Variants in DNAH9 observed in about 807,000 individuals in gnomAD.
DNAH9 encodes DNAH9 variant protein.
Under a neutral mutation model 471.6 loss-of-function variants are expected in DNAH9, and 345 were observed. That is an observed-to-expected ratio of 0.73 (90% CI 0.67 to 0.80). The LOEUF (loss-of-function observed/expected upper bound fraction) is 0.80, where lower values mean the gene tolerates loss of function less well. Among genes scored for constraint, DNAH9 ranks in the 30% least tolerant of loss-of-function variants. The pLI, the probability that DNAH9 is intolerant of heterozygous loss-of-function variation, is 0.00. For missense variants in DNAH9, 5,407 were observed against 5,609.2 expected (o/e 0.96, Z 1.15); for synonymous variants, 2,093 against 2,123.6 (o/e 0.99, Z 0.40).
chr17:11,657,482 T>C (rs1258724275), intron 14 of DNAH9, among the ~76,000 whole-genome samples: 2 of 152,124 alleles, frequency 1.3e-5, no homozygotes, highest in Non-Finnish European at 2.9e-5. Context: ...GTTGTGAATA[T>C]CTTCTCCAAA....
chr17:11,965,773 A>G (rs1350472645), intron 68 of DNAH9, among the ~76,000 whole-genome samples: 1 of 152,160 alleles, frequency 6.6e-6, no homozygotes, highest in Non-Finnish European at 1.5e-5. Context: ...GAGAAAAATT[A>G]TATATGTTTT....
At position 11,875,046 on chromosome 17, in the gene DNAH9, G is replaced by A. The variant is rs769435149; in HGVS notation, c.10340G>A (p.Arg3447His). ...CAGAACGAGGGCCTCCCAGCCGACC[G>A]CATGTCCGTGGAGAATGCCACCATT... ...AWQNEGLPAD[R>H]MSVENATILI... Residue 3447 changes from arginine to histidine, a missense_variant, in exon 53 of 69, where the codon CGC becomes CAC. By Grantham distance (29) the Arg-to-His change is conservative. Around this residue, in one of 3 missense-constraint regions of DNAH9, gnomAD observed 4,636 missense variants for 4,900.3 expected, o/e 0.95. Coordinates refer to ENST00000262442, the MANE Select transcript of DNAH9 (RefSeq NM_001372.4). 29 of 1,613,996 alleles carry A rather than the reference G, an allele frequency of 1.8e-5. No homozygotes were observed. Among genetic ancestry groups the A allele is most frequent in the South Asian group, 3.3e-5 (3 of 91,080 alleles).
intron 1 of DNAH9, among the ~76,000 whole-genome samples, chr17:11,606,469 A>G (rs1312072279): frequency 3.0e-4 from 1 of 3,290 alleles, no homozygotes; most frequent in Admixed American, 3.4e-3. Flanking sequence ...TTTTTTTTTG[A>G]GACAGAGTCT....
rs538149262 is a variant in DNAH9, at chr17:11,608,595, C to T, written c.614+270C>T. ...CTTTCAGAATCATTTCAGGGCTGAG[C>T]GCAACCACACTAGCTTTCCGTATTT... On this transcript the variant is annotated intron_variant, in intron 2 of 68. Coordinates refer to ENST00000262442, the MANE Select transcript of DNAH9 (RefSeq NM_001372.4). Among the ~76,000 whole-genome samples, 57 of 152,062 alleles carry T rather than the reference C, an allele frequency of 3.7e-4. 1 individual carries two copies. Among genetic ancestry groups the T allele is most frequent in the Admixed American group, 3.9e-4 (6 of 15,256 alleles).
At chr17:11,810,138 T>C in intron 44 of DNAH9, 108 bp from the exon 45 acceptor site, 4 of 1,352,122 alleles carry the variant, frequency 3.0e-6, no homozygotes, top group Non-Finnish European at 4.0e-6. Flanking sequence ...TTACTTTAAT[T>C]CCCATTCAAG....
intron 59 of DNAH9, among the ~76,000 whole-genome samples, chr17:11,897,045 A>G (rs12709290): frequency 0.76 from 115,127 of 152,192 alleles, 46,026 homozygotes; most frequent in Non-Finnish European, 0.89. Context: ...AGCTGAGATC[A>G]CTTTGCGCTC....
intron 48 of DNAH9, among the ~76,000 whole-genome samples, chr17:11,827,481 C>T (rs1261766688): frequency 1.3e-5 from 2 of 152,064 alleles, no homozygotes; most frequent in African/African-American, 4.8e-5. Context: ...TAAATGACCA[C>T]GTCTCACAAG....
Position 11,636,801 on chromosome 17 carries a change from G to C in DNAH9, c.1786+17G>C. On this transcript the variant is annotated intron_variant, in intron 9 of 68. Coordinates refer to ENST00000262442, the MANE Select transcript of DNAH9 (RefSeq NM_001372.4). ...CAGAACTTGGTAGGCTTGTTAAAGGGGATTTTGATGGGGACATTCTGTTAC... is the reference window on the plus strand; with the variant it reads ...CAGAACTTGGTAGGCTTGTTAAAGGCGATTTTGATGGGGACATTCTGTTAC... 1 of 1,611,236 alleles carries C rather than the reference G, an allele frequency of 6.2e-7. No individual in the cohort carries two copies. Among genetic ancestry groups the C allele is most frequent in the Non-Finnish European group, 8.5e-7 (1 of 1,177,668 alleles).
At chr17:11,684,805 GCA>G (rs1289484277) in intron 19 of DNAH9, among the ~76,000 whole-genome samples, 1 of 152,182 alleles carries the variant, frequency 6.6e-6, no homozygotes, top group Admixed American at 6.5e-5. Context: ...ATAGCCCAAG[GCA>G]GCAGTCATGA....
rs1381055802 is a variant in DNAH9, at chr17:11,937,522, G to T, written c.12660G>T (p.Lys4220Asn). Residue 4220 changes from lysine (K) to asparagine (N), a missense_variant and splice_region_variant, in exon 66 of 69, where the codon AAG becomes AAT. This residue lies in a region of DNAH9 where 4,636 missense variants were observed against 4,900.3 expected (regional missense o/e 0.95). Coordinates refer to ENST00000262442, the MANE Select transcript of DNAH9 (RefSeq NM_001372.4). This position sits in a 1 kb window ranked among gnomAD's most constrained non-coding sequence, Gnocchi z 4.1. ...RDGAGATREE[K>N]VKALLEEILE... is the part of the protein sequence containing the mutation. ...GAGCGGGCGCCACAAGAGAAGAAAA[G>T]GTGTGTGTGGTGGGGACTGCCTGAG... is the stretch of plus-strand genomic sequence containing the variant. 6 of 1,610,064 alleles carry T rather than the reference G, an allele frequency of 3.7e-6. No individual in the cohort carries two copies. The highest frequency in any genetic ancestry group is 5.1e-6 in the Non-Finnish European group (6 of 1,177,684).
intron 49 of DNAH9, among the ~76,000 whole-genome samples, chr17:11,853,442 A>G (rs946127303): frequency 1.3e-5 from 2 of 152,198 alleles, no homozygotes; most frequent in Non-Finnish European, 2.9e-5. Flanking sequence ...ACTCTGAGCA[A>G]AGGACAAACC....
chr17:11,789,322 C>T (rs766705404), intron 41 of DNAH9, among the ~76,000 whole-genome samples: 11 of 151,974 alleles, frequency 7.2e-5, no homozygotes, highest in Non-Finnish European at 1.5e-4. Context: ...GTGAAACCAC[C>T]TGGAGGTTTG....
At chr17:11,811,482 A>G (rs145924387) in intron 45 of DNAH9, among the ~76,000 whole-genome samples, 1,586 of 152,086 alleles carry the variant, frequency 0.01, 42 homozygotes, top group African/African-American at 0.037. Flanking sequence ...TACTTTACAA[A>G]CTCTCATGCC....
chr17:11,795,927 G>A (rs976875865), intron 42 of DNAH9, among the ~76,000 whole-genome samples: 4 of 152,148 alleles, frequency 2.6e-5, no homozygotes, highest in Non-Finnish European at 5.9e-5. Context: ...TGGTATCAAG[G>A]AAAAGTTGCC....
chr17:11,737,343 C>T (rs924233746), intron 28 of DNAH9, among the ~76,000 whole-genome samples: 19 of 150,110 alleles, frequency 1.3e-4, no homozygotes, highest in Non-Finnish European at 2.2e-4. Context: ...CCCCTCCCAC[C>T]GTTTCACACA....
At position 11,784,371 on chromosome 17, in the gene DNAH9, C is replaced by T; in HGVS notation, c.7893C>T (p.Leu2631=). 6.2e-7 allele frequency: 1 copy of T among 1,614,222 alleles called. No homozygotes were observed. The highest frequency in any genetic ancestry group is 2.2e-5 in the East Asian group (1 of 44,876). ...DALSSIYSII[L]TQHLKLGNFP... ...TGTCCTCTATCTACAGCATCATCCT[C>T]ACTCAGCATCTGAAGCTCGGAAACT... The change falls in exon 41 of 69, where the codon CTC becomes CTT. Residue 2631 remains leucine, a synonymous_variant. Transcript: ENST00000262442.
chr17:11,634,316 C>T (rs1181142884), intron 8 of DNAH9, among the ~76,000 whole-genome samples: 1 of 152,136 alleles, frequency 6.6e-6, no homozygotes, highest in Non-Finnish European at 1.5e-5. Flanking sequence ...GCAAAATCTC[C>T]AATTGACATA....
At chr17:11,729,157 G>A (rs1482090607) in intron 28 of DNAH9, among the ~76,000 whole-genome samples, 1 of 152,152 alleles carries the variant, frequency 6.6e-6, no homozygotes, top group Non-Finnish European at 1.5e-5. Context: ...AAAACTGGTG[G>A]CTGAGGGCAA....
intron 49 of DNAH9, among the ~76,000 whole-genome samples, chr17:11,843,888 T>TATATATATATACAC (rs1188211391): frequency 7.5e-6 from 1 of 133,092 alleles, no homozygotes; most frequent in African/African-American, 2.8e-5. Context: ...TATATATATA[T>TATATATATATACAC]ATACACATAG....
Sources: allele counts gnomAD v4.1 joint callset (sites outside exome capture counted in the v4.1 genomes callset), GRCh38; gene constraint gnomAD v4.1.1; regional missense constraint gnomAD v4.1.1; non-coding constraint Gnocchi (gnomAD v3.1); transcripts MANE v1.5; gene names NCBI Gene and HGNC (gene_info 2026-07-23, HGNC 2026-07-21).